PTPRD: variants seen among roughly 807,000 people sequenced by gnomAD.
PTPRD encodes protein tyrosine phosphatase receptor type D.
A neutral mutation model predicts 214.5 loss-of-function variants in PTPRD; 34 were observed. The ratio of observed to expected loss-of-function variants is 0.16; its 90% confidence interval spans 0.12 to 0.21. The LOEUF (loss-of-function observed/expected upper bound fraction) is 0.21, where lower values mean the gene tolerates loss of function less well. Among genes scored for constraint, PTPRD ranks in the 10% least tolerant of loss-of-function variants. The probability of loss-of-function intolerance (pLI) is 1.00; values close to 1 mark genes in which losing one functional copy is unlikely to be tolerated. For synonymous variants in PTPRD, 1,128 were observed against 845.7 expected (o/e 1.33, Z -5.79); for missense variants, 2,545 against 2,398.7 (o/e 1.06, Z -1.27).
intron 2 of PTPRD, among the ~76,000 whole-genome samples, chr9:10,512,687 T>C (rs754977249): frequency 2.0e-5 from 3 of 151,978 alleles, no homozygotes; most frequent in Non-Finnish European, 2.9e-5. Flanking sequence ...GGAAGAAAGG[T>C]TGTGGGTGGA....
At position 8,720,556 on chromosome 9, in the gene PTPRD, A is replaced by C. The variant is rs1386744145; in HGVS notation, c.64+13224T>G. 2.0e-5 allele frequency among the ~76,000 whole-genome samples: 3 copies of C among 152,388 alleles called. No homozygotes were observed. The South Asian group carries it at 6.2e-4, about 32-fold the overall frequency. On this transcript the variant is annotated intron_variant, in intron 12 of 45. Coordinates refer to ENST00000381196, the MANE Select transcript of PTPRD (RefSeq NM_002839.4). ...ACATGATCACAATGACAAAATCTTG[A>C]AAGCAGACCTTACTGCTGACAATTT...
chr9:9,399,486 C>G (rs1396457017), intron 8 of PTPRD, among the ~76,000 whole-genome samples: 1 of 152,000 alleles, frequency 6.6e-6, no homozygotes, highest in Non-Finnish European at 1.5e-5. Flanking sequence ...GCTGGTAAGT[C>G]TAGATTATTA....
At chr9:9,868,422 T>C (rs2064539904) in intron 5 of PTPRD, among the ~76,000 whole-genome samples, 1 of 152,134 alleles carries the variant, frequency 6.6e-6, no homozygotes, top group African/African-American at 2.4e-5. Context: ...GTTCCTGTCA[T>C]AACTCTAGTT....
rs930711220 is a variant in PTPRD, at chr9:9,650,721, C to T, written c.-286-75940G>A. On this transcript the variant is annotated intron_variant, in intron 7 of 45. Transcript: ENST00000381196. ...TGATTAAATAATCTGTACAACAAAT[C>T]CCCATGACACAAGTTTATCTATGTA... 3.3e-5 allele frequency among the ~76,000 whole-genome samples: 5 copies of T among 151,898 alleles called. No homozygotes were observed. The East Asian group carries it at 7.7e-4, about 23-fold the overall frequency.
At chr9:9,195,415 C>T (rs2028779) in intron 9 of PTPRD, among the ~76,000 whole-genome samples, 11 of 151,872 alleles carry the variant, frequency 7.2e-5, no homozygotes, top group Middle Eastern at 3.4e-3. Context: ...CAGAATATCT[C>T]GTTTAGTCTA....
At chr9:9,084,751 A>G (rs2099764549) in intron 10 of PTPRD, among the ~76,000 whole-genome samples, 1 of 152,152 alleles carries the variant, frequency 6.6e-6, no homozygotes, top group African/African-American at 2.4e-5. Flanking sequence ...TTAGAGAAGG[A>G]CACTTGAAAG....
At chr9:10,466,609 G>A (rs1169326148) in intron 2 of PTPRD, among the ~76,000 whole-genome samples, 2 of 99,790 alleles carry the variant, frequency 2.0e-5, no homozygotes, top group Non-Finnish European at 3.6e-5. Context: ...GGCAACAAGA[G>A]CGAAACTCCA....
At chr9:10,530,893 A>G (rs1446348818) in intron 2 of PTPRD, among the ~76,000 whole-genome samples, 2 of 152,160 alleles carry the variant, frequency 1.3e-5, no homozygotes, top group African/African-American at 4.8e-5. Context: ...AAAATGCCCT[A>G]TTAAATCCAC....
chr9:9,946,598 A>G (rs1246607380), intron 4 of PTPRD, among the ~76,000 whole-genome samples: 1 of 151,980 alleles, frequency 6.6e-6, no homozygotes, highest in East Asian at 1.9e-4. Context: ...AGGGAAACAT[A>G]TTCTTTCCTT....
chr9:9,723,246 C>T (rs186562321), intron 7 of PTPRD, among the ~76,000 whole-genome samples: 1 of 152,146 alleles, frequency 6.6e-6, no homozygotes, highest in Non-Finnish European at 1.5e-5. Context: ...ATCCAGTTGT[C>T]TCAGCACCAT....
At chr9:9,980,608 C>CAAAAAAAAAAAA (rs750547585) in intron 4 of PTPRD, among the ~76,000 whole-genome samples, 1 of 11,414 alleles carries the variant, frequency 8.8e-5, no homozygotes, top group Admixed American at 7.8e-4. Flanking sequence ...GACACCTTGT[C>CAAAAAAAAAAAA]AAAAAAAAAC....
chr9:10,101,427 T>C (rs1314651593), intron 3 of PTPRD, among the ~76,000 whole-genome samples: 1 of 151,526 alleles, frequency 6.6e-6, no homozygotes, highest in Admixed American at 6.6e-5. Context: ...GTAAGTAGAG[T>C]ATGGCTAGTT....
chr9:8,457,993 T>C (rs894475494), intron 33 of PTPRD, among the ~76,000 whole-genome samples: 2 of 152,106 alleles, frequency 1.3e-5, no homozygotes, highest in African/African-American at 4.8e-5. Context: ...ACATTGTTGG[T>C]TCTACTTGAA....
intron 14 of PTPRD, among the ~76,000 whole-genome samples, chr9:8,565,058 C>G (rs951298891): frequency 1.4e-4 from 22 of 152,136 alleles, no homozygotes; most frequent in African/African-American, 5.3e-4. Context: ...TGAAGCTACT[C>G]ACAAAATTAG....
At chr9:8,324,260 C>A (rs1831333508) in intron 44 of PTPRD, among the ~76,000 whole-genome samples, 1 of 152,190 alleles carries the variant, frequency 6.6e-6, no homozygotes, top group East Asian at 1.9e-4. Flanking sequence ...AGGCCCCCAC[C>A]CCCTGGCAGG....
At chr9:8,390,811 T>C (rs538609598) in intron 36 of PTPRD, among the ~76,000 whole-genome samples, 110 of 152,276 alleles carry the variant, frequency 7.2e-4, no homozygotes, top group Non-Finnish European at 1.4e-3. Flanking sequence ...ATGCATATTA[T>C]AGCCTAGCAA....
chr9:9,076,372 C>T (rs745646568), intron 10 of PTPRD, among the ~76,000 whole-genome samples: 21 of 151,748 alleles, frequency 1.4e-4, no homozygotes, highest in Admixed American at 3.9e-4. Context: ...GTTTCTTTTG[C>T]TGTGCAGAAG....
rs184472149 is a variant in PTPRD, at chr9:8,970,210, T to A, written c.-104+48487A>T. The stretch of plus-strand genomic sequence containing the variant: ...GAGTGTTCTTGCTCATTCTCTAGGC[T>A]AGTGCTATGGGCTTATCAGCATAAT... On this transcript the variant is annotated intron_variant, in intron 11 of 45. Transcript: ENST00000381196. Among the ~76,000 whole-genome samples, 364 of 152,110 alleles carry A rather than the reference T, an allele frequency of 2.4e-3. 5 individuals carry two copies. Among genetic ancestry groups the A allele is most frequent in the Admixed American group, 0.02 (309 of 15,240 alleles).
At chr9:8,427,447 C>A (rs1026803216) in intron 35 of PTPRD, among the ~76,000 whole-genome samples, 1 of 152,094 alleles carries the variant, frequency 6.6e-6, no homozygotes, top group African/African-American at 2.4e-5. Flanking sequence ...TTGATCCAGA[C>A]ACACACTTTG....
Sources: gnomAD v4.1 joint callset for allele counts (sites outside exome capture counted in the v4.1 genomes callset) on GRCh38, gnomAD v4.1.1 for gene constraint, MANE v1.5 for transcripts, NCBI Gene and HGNC (gene_info 2026-07-23, HGNC 2026-07-21) for gene names.